Variants in SAXO4 observed in about 807,000 individuals in gnomAD.
SAXO4 encodes protein phosphatase 1 regulatory subunit 32.
the SAXO4 span, chr11:61,482,245 G>T: frequency 2.1e-6 from 3 of 1,452,384 alleles, no homozygotes; most frequent in Non-Finnish European, 2.9e-6. Flanking sequence ...GAGGACGCTG[G>T]CCCTGCCTGG....
chr11:61,481,761 C>T, the SAXO4 span: 2 of 1,092,864 alleles, frequency 1.8e-6, no homozygotes, highest in South Asian at 1.8e-5. Context: ...ACCCATGAGG[C>T]TCCCCGTGCT....
the SAXO4 span, chr11:61,481,130 C>T: frequency 6.6e-6 from 1 of 152,228 alleles, no homozygotes; most frequent in Non-Finnish European, 1.5e-5. Context: ...GTTTCTCCTG[C>T]TTGGCCTCCT....
chr11:61,488,545 CT>C, the SAXO4 span, among the ~76,000 whole-genome samples: 3 of 152,142 alleles, frequency 2.0e-5, no homozygotes, highest in Admixed American at 6.5e-5. Context: ...ACCTCGTGAT[CT>C]GCCCGCCTCC....
chr11:61,489,510 C>T, the SAXO4 span: 6 of 572,114 alleles, frequency 1.0e-5, no homozygotes, highest in East Asian at 2.9e-5. Context: ...AGACGGGGTC[C>T]CCACCCCAAG....
chr11:61,483,622 G>C, the SAXO4 span, among the ~76,000 whole-genome samples: 1 of 152,068 alleles, frequency 6.6e-6, no homozygotes, highest in Admixed American at 6.6e-5. Flanking sequence ...GTGGGGCGGG[G>C]GTTAGGAAAT....
the SAXO4 span, among the ~76,000 whole-genome samples, chr11:61,485,033 C>T: frequency 2.6e-5 from 4 of 152,312 alleles, no homozygotes; most frequent in Non-Finnish European, 5.9e-5. Context: ...TACTCCTCTT[C>T]CCCCAGCCTT....
chr11:61,487,241 G>C, the SAXO4 span: 1 of 1,613,448 alleles, frequency 6.2e-7, no homozygotes, highest in Non-Finnish European at 8.5e-7. Context: ...ACAACCAAGG[G>C]TGAGGTCCGC....
At chr11:61,490,745 T>C in the SAXO4 span, 27 of 647,768 alleles carry the variant, frequency 4.2e-5, no homozygotes, top group Middle Eastern at 1.2e-3. Context: ...ACCCCTTCTC[T>C]GCCAGGCAAG....
chr11:61,484,891 C>T, the SAXO4 span: 2 of 1,494,734 alleles, frequency 1.3e-6, no homozygotes, highest in African/African-American at 1.4e-5. Flanking sequence ...CACCTCAAGA[C>T]AAGTATTGCA....
chr11:61,484,866 C>T, the SAXO4 span: 2 of 1,515,654 alleles, frequency 1.3e-6, no homozygotes, highest in Non-Finnish European at 1.8e-6. Context: ...AGGGGCCACA[C>T]CCGCCTCTTC....
chr11:61,486,011 G>A, the SAXO4 span: 30 of 841,076 alleles, frequency 3.6e-5, no homozygotes, highest in Admixed American at 1.6e-4. Context: ...AGAGCCCTTT[G>A]TTCAAACACA....
At chr11:61,484,871 C>T in the SAXO4 span, 5 of 1,514,412 alleles carry the variant, frequency 3.3e-6, no homozygotes, top group African/African-American at 1.4e-5. Flanking sequence ...CCACACCCGC[C>T]TCTTCCTCCC....
the SAXO4 span, among the ~76,000 whole-genome samples, chr11:61,487,554 G>C: frequency 3.1e-4 from 47 of 152,344 alleles, 1 homozygote; most frequent in South Asian, 9.1e-3. Context: ...TCAAAGGTGA[G>C]AGAGCTGGGG....
chr11:61,488,025 C>T, the SAXO4 span, among the ~76,000 whole-genome samples: 10 of 147,734 alleles, frequency 6.8e-5, no homozygotes, highest in Middle Eastern at 3.5e-3. Flanking sequence ...TTCACTCTGT[C>T]GCCCAGGCTG....
At chr11:61,487,017 C>A in the SAXO4 span, 1 of 1,614,128 alleles carries the variant, frequency 6.2e-7, no homozygotes, top group South Asian at 1.1e-5. Flanking sequence ...TCGGATGCAA[C>A]AGACAAACGT....
At chr11:61,486,691 T>G in the SAXO4 span, 1 of 1,333,436 alleles carries the variant, frequency 7.5e-7, no homozygotes, top group Non-Finnish European at 1.1e-6. Flanking sequence ...GGTCAGGCAT[T>G]GAAGAATGAG....
the SAXO4 span, chr11:61,482,340 A>G: frequency 6.2e-7 from 1 of 1,614,154 alleles, no homozygotes; most frequent in Non-Finnish European, 8.5e-7. Context: ...CCGTGTGGGC[A>G]GTCACGTAGG....
the SAXO4 span, chr11:61,488,709 T>TG: frequency 6.5e-6 from 1 of 154,268 alleles, no homozygotes. Flanking sequence ...CCCCACCCCC[T>TG]GCTCCGGGAT....
the SAXO4 span, among the ~76,000 whole-genome samples, chr11:61,485,181 G>A: frequency 6.6e-6 from 1 of 152,004 alleles, no homozygotes; most frequent in Non-Finnish European, 1.5e-5. Context: ...CTGGCCCTGC[G>A]ATGTCCCACC....
Sources: gnomAD v4.1 joint callset for allele counts (sites outside exome capture counted in the v4.1 genomes callset) on GRCh38, gnomAD v4.1.1 for gene constraint, MANE v1.5 for transcripts, NCBI Gene and HGNC (gene_info 2026-07-23, HGNC 2026-07-21) for gene names.